Variants in KLHL2 observed in about 807,000 individuals in gnomAD.
The protein encoded by KLHL2 is kelch like family member 2, also known as kelch-like protein 2.
In KLHL2, 15 loss-of-function variants were observed where a neutral mutation model predicts 75.8. That is an observed-to-expected ratio of 0.20 (90% CI 0.13 to 0.30). The LOEUF is 0.30. KLHL2 is among the 10% of genes least tolerant of loss of function. The pLI is 1.00. For synonymous variants in KLHL2, 214 were observed against 251.9 expected, an observed-to-expected ratio of 0.85 and a Z score of 1.42; for missense variants, 381 against 741.0, an observed-to-expected ratio of 0.51 and a Z score of 5.64.
chr4:165,278,113 C>T lies in KLHL2; in HGVS notation c.544+14754C>T. 3 of 1,555,086 alleles carry T rather than the reference C, an allele frequency of 1.9e-6. 1 individual carries two copies. In the South Asian group the frequency reaches 3.3e-5, roughly 17 times the overall value. The stretch of plus-strand genomic sequence containing the variant: ...CTGGAGATTGAGTTGTAACCCAACC[C>T]ATTGACTTCATCACAGCTTTCTTCC... On this transcript the variant is annotated intron_variant, in intron 5 of 14. Transcript: ENST00000226725.
intron 5 of KLHL2, among the ~76,000 whole-genome samples, chr4:165,292,950 G>A (rs1053178128): frequency 5.9e-5 from 9 of 152,092 alleles, no homozygotes; most frequent in Admixed American, 2.6e-4. Flanking sequence ...ACAGTTCTAG[G>A]TGCTTTATAA....
chr4:165,303,313 A>G (rs1246116756), intron 8 of KLHL2, among the ~76,000 whole-genome samples: 1 of 152,148 alleles, frequency 6.6e-6, no homozygotes, highest in African/African-American at 2.4e-5. Flanking sequence ...ACTCAGTGTT[A>G]TTTATCAAAA....
chr4:165,257,541 G>T (rs1254003296), intron 4 of KLHL2, among the ~76,000 whole-genome samples: 2 of 152,196 alleles, frequency 1.3e-5, no homozygotes, highest in East Asian at 3.9e-4. Context: ...TACATCTTCA[G>T]AAAGGTGGTC....
intron 2 of KLHL2, chr4:165,223,911 A>C (rs1285976006): frequency 8.9e-6 from 4 of 448,870 alleles, no homozygotes; most frequent in Non-Finnish European, 1.8e-5. Flanking sequence ...TACCCCAGGT[A>C]AGTTTTTTCT....
rs763617439 is a variant in KLHL2, at chr4:165,220,051, A to G, written c.144A>G (p.Glu48=). ...AGAAAGCTTTCAAAGTCATGAACGA[A>G]TTAAGAAGGTATCATTATACTAATG... ...HMKKAFKVMN[E]LRSQNLLCDV... Residue 48 remains glutamate, a synonymous_variant, in exon 2 of 15, where the codon GAA becomes GAG. Coordinates refer to ENST00000226725, the MANE Select transcript of KLHL2 (RefSeq NM_007246.4). The G allele has an allele frequency of 2.5e-6, 4 of 1,605,712 alleles. No homozygotes were observed. The South Asian group carries it at 3.4e-5, about 14-fold the overall frequency.
At chr4:165,294,501 G>T in intron 6 of KLHL2, 33 bp downstream of exon 6, 1 of 1,164,398 alleles carries the variant, frequency 8.6e-7, no homozygotes, top group South Asian at 1.4e-5. Flanking sequence ...AGTGTGCAAT[G>T]ATGTTTCCCT....
intron 5 of KLHL2, among the ~76,000 whole-genome samples, chr4:165,281,309 CT>C (rs370907639): frequency 9.2e-4 from 128 of 139,516 alleles, no homozygotes; most frequent in South Asian, 1.1e-3. Context: ...CTCTCTCTCT[CT>C]TTTTTTTTTT....
chr4:165,225,456 A>C (rs1029025084), intron 2 of KLHL2, among the ~76,000 whole-genome samples: 4 of 152,208 alleles, frequency 2.6e-5, no homozygotes, highest in African/African-American at 9.6e-5. Context: ...GCTAAATAAC[A>C]ACTTATTTAT....
intron 5 of KLHL2, among the ~76,000 whole-genome samples, chr4:165,269,410 T>C (rs1742500637): frequency 2.0e-5 from 3 of 152,192 alleles, no homozygotes; most frequent in Non-Finnish European, 2.9e-5. Flanking sequence ...ATAGCATCCA[T>C]GGTCTTTACA....
At chr4:165,290,156 T>C (rs1050362441) in intron 5 of KLHL2, among the ~76,000 whole-genome samples, 4 of 150,932 alleles carry the variant, frequency 2.7e-5, no homozygotes, top group Admixed American at 2.0e-4. Context: ...TTTTTATTTG[T>C]TTTTTTTTGA....
At chr4:165,262,685 C>T (rs1462647093) in intron 4 of KLHL2, among the ~76,000 whole-genome samples, 3 of 151,922 alleles carry the variant, frequency 2.0e-5, no homozygotes, top group Admixed American at 1.3e-4. Context: ...CTCAAGTGAT[C>T]CTCCCACCTC....
chr4:165,212,326 C>T (rs1737246251), intron 1 of KLHL2, among the ~76,000 whole-genome samples: 1 of 152,024 alleles, frequency 6.6e-6, no homozygotes, highest in South Asian at 2.1e-4. Context: ...GTGTCTTTGA[C>T]GAGGTGATAT....
Position 165,315,064 on chromosome 4 carries a change from A to T in KLHL2, c.1609+898A>T, listed in dbSNP as rs568465796. On this transcript the variant is annotated intron_variant, in intron 13 of 14. Transcript: ENST00000226725. ...TTCTGTTTGGCCTTGCACGTCATCTAGTCAGTTGTATATGGTAATCAGTTC... is the reference window on the plus strand; with the variant it reads ...TTCTGTTTGGCCTTGCACGTCATCTTGTCAGTTGTATATGGTAATCAGTTC... Among the ~76,000 whole-genome samples, 47 of 152,276 alleles carry T rather than the reference A, an allele frequency of 3.1e-4. No individual in the cohort carries two copies. In the South Asian group the frequency reaches 7.5e-3, roughly 24 times the overall value.
chr4:165,295,086 C>T (rs944953224), intron 6 of KLHL2, among the ~76,000 whole-genome samples: 1 of 152,152 alleles, frequency 6.6e-6, no homozygotes, highest in African/African-American at 2.4e-5. Flanking sequence ...AGTCTTTTGT[C>T]TCTCCACGTT....
At chr4:165,278,522 C>T in intron 5 of KLHL2, 1 of 1,609,240 alleles carries the variant, frequency 6.2e-7, no homozygotes, top group South Asian at 1.1e-5. Context: ...CCCTCTTGCG[C>T]TGGGCTCCCA....
intron 4 of KLHL2, among the ~76,000 whole-genome samples, chr4:165,249,051 AG>A (rs1191965829): frequency 6.6e-6 from 1 of 152,242 alleles, no homozygotes; most frequent in Non-Finnish European, 1.5e-5. Context: ...ATAGGTACTC[AG>A]TGGTAATCCA....
rs946620546 is a variant in KLHL2, at chr4:165,294,321, G to C, written c.545-38G>C. 4 of 1,133,840 alleles carry C rather than the reference G, an allele frequency of 3.5e-6. No homozygotes were observed. In the African/African-American group the frequency reaches 6.1e-5, roughly 17 times the overall value. 70.2% of individuals were successfully genotyped at this position (1,133,840 alleles called of 1,614,324 possible). On this transcript the variant is annotated intron_variant, in intron 5 of 14. Transcript: ENST00000226725. ...CAGTTTGAAACTATGATAATGGAAT[G>C]TTGATGTTAGTGGATTTTCTTTTTA...
chr4:165,244,505 T>C lies in KLHL2; in HGVS notation c.381+5606T>C, dbSNP rs1402841483. The stretch of plus-strand genomic sequence containing the variant: ...TATTTCTATATTGTGTGGGTAAACA[T>C]TGAAATGAAATTCCCATTAGGTGGA... On this transcript the variant is annotated intron_variant, in intron 4 of 14. Coordinates refer to ENST00000226725, the MANE Select transcript of KLHL2 (RefSeq NM_007246.4). Among the ~76,000 whole-genome samples, 3 of 152,220 alleles carry C rather than the reference T, an allele frequency of 2.0e-5. No homozygotes were observed. The East Asian group carries it at 5.8e-4, about 29-fold the overall frequency.
At chr4:165,257,231 C>G (rs1223480300) in intron 4 of KLHL2, among the ~76,000 whole-genome samples, 2 of 152,194 alleles carry the variant, frequency 1.3e-5, no homozygotes, top group African/African-American at 4.8e-5. Context: ...GAATGGAGGA[C>G]TTGAGCTGGA....
Sources: gnomAD v4.1 joint callset for allele counts (sites outside exome capture counted in the v4.1 genomes callset) on GRCh38, gnomAD v4.1.1 for gene constraint, MANE v1.5 for transcripts, NCBI Gene and HGNC (gene_info 2026-07-23, HGNC 2026-07-21) for gene names.